Variants in ETV1 observed in about 807,000 individuals in gnomAD.
ETV1 encodes the protein ETS variant transcription factor 1.
Under a neutral mutation model 62.3 loss-of-function variants are expected in ETV1, and 27 were observed. The ratio of observed to expected loss-of-function variants is 0.43; its 90% CI spans 0.32 to 0.60. The LOEUF (loss-of-function observed/expected upper bound fraction) is 0.60. Among genes scored for constraint, ETV1 ranks in the 20% least tolerant of loss-of-function variants. The pLI is 0.06. For synonymous variants in ETV1, 222 were observed against 199.6 expected (o/e 1.11, Z -0.94); for missense variants, 605 against 605.8 (o/e 1.00, Z 0.01).
chr7:13,909,836 CATT>C lies in ETV1; in HGVS notation c.872-139_872-137del. 7.1e-6 allele frequency: 5 copies of C among 699,436 alleles called. No individual in the cohort carries two copies. The South Asian group carries it at 9.0e-5, about 13-fold the overall frequency. The allele number at this position is 699,436 out of a possible 1,614,324, so 43.3% of individuals were successfully genotyped here. A position where few individuals can be genotyped will look rare whatever the true frequency, so the allele number is the denominator to read the frequency against. On this transcript the variant is annotated intron_variant, in intron 10 of 13. Coordinates refer to ENST00000430479, the MANE Select transcript of ETV1 (RefSeq NM_004956.5). ...CTTTCAGTTCCTTGAGCCCTGGACA[CATT>C]ATTTAACCTCTGTGCCTCAGTTTCC... is the stretch of plus-strand genomic sequence containing the variant.
chr7:13,968,709 C>T (rs1235233575), intron 6 of ETV1, among the ~76,000 whole-genome samples: 1 of 151,894 alleles, frequency 6.6e-6, no homozygotes, highest in Non-Finnish European at 1.5e-5. Context: ...CATGCATTCA[C>T]CAGATTTAGC....
At chr7:13,910,479 A>G (rs2128419451) in intron 10 of ETV1, 2 of 502,628 alleles carry the variant, frequency 4.0e-6, no homozygotes, top group South Asian at 1.8e-4. Context: ...CAAAACTTTT[A>G]ATTTCAAATA....
intron 6 of ETV1, among the ~76,000 whole-genome samples, chr7:13,974,333 AG>A (rs1339119228): frequency 6.6e-6 from 1 of 152,244 alleles, no homozygotes; most frequent in African/African-American, 2.4e-5. Flanking sequence ...GGAAAGGAAA[AG>A]TCAGGGCACT....
chr7:13,935,649 A>G, intron 8 of ETV1, 59 bp downstream of exon 8: 1 of 1,454,512 alleles, frequency 6.9e-7, no homozygotes, highest in South Asian at 1.2e-5. Context: ...AATTGTTAAT[A>G]GAAATTTTTT....
chr7:13,947,513 A>G (rs1788316314), intron 6 of ETV1, among the ~76,000 whole-genome samples: 1 of 152,216 alleles, frequency 6.6e-6, no homozygotes, highest in Admixed American at 6.5e-5. Context: ...TTCCCATTTA[A>G]CAGATCTTTT....
At chr7:13,974,013 T>C (rs1361290762) in intron 6 of ETV1, among the ~76,000 whole-genome samples, 1 of 152,180 alleles carries the variant, frequency 6.6e-6, no homozygotes, top group African/African-American at 2.4e-5. Context: ...ATGTGACGTG[T>C]TTCTTGTACC....
intron 12 of ETV1, among the ~76,000 whole-genome samples, chr7:13,901,140 G>A (rs1782377953): frequency 6.6e-6 from 1 of 152,036 alleles, no homozygotes; most frequent in Non-Finnish European, 1.5e-5. Flanking sequence ...GAGTAGGTGG[G>A]ATTACAGGTG....
chr7:13,930,049 C>T (rs1785908823), intron 9 of ETV1, among the ~76,000 whole-genome samples: 1 of 152,090 alleles, frequency 6.6e-6, no homozygotes, highest in Non-Finnish European at 1.5e-5. Flanking sequence ...ACTTTATATC[C>T]AGACAAAAGG....
intron 9 of ETV1, among the ~76,000 whole-genome samples, chr7:13,931,002 G>A (rs576202598): frequency 8.6e-5 from 13 of 151,298 alleles, no homozygotes; most frequent in Admixed American, 2.0e-4. Context: ...GGGTTTCACC[G>A]TGTTAGCCAG....
chr7:13,904,179 AAC>A (rs548893711), intron 12 of ETV1, among the ~76,000 whole-genome samples: 50 of 152,364 alleles, frequency 3.3e-4, no homozygotes, highest in African/African-American at 1.1e-3. Flanking sequence ...AAGTAATTGC[AAC>A]AGTCAGCAAT....
intron 8 of ETV1, among the ~76,000 whole-genome samples, chr7:13,932,891 G>A (rs891482524): frequency 3.9e-5 from 6 of 152,148 alleles, no homozygotes; most frequent in African/African-American, 1.4e-4. Context: ...ATGGCAAAGC[G>A]ATTGCTTTAG....
chr7:13,988,595 G>GAAAAAAAAAAAAAAAAAGAAAAAAAAAA (rs34468165), intron 3 of ETV1: 1 of 768,998 alleles, frequency 1.3e-6, no homozygotes, highest in Non-Finnish European at 1.6e-6. Context: ...GTAGAGAAAT[G>GAAAAAAAAAAAAAAAAAGAAAAAAAAAA]AAAAAAAAAA....
intron 6 of ETV1, among the ~76,000 whole-genome samples, chr7:13,945,191 T>C (rs1187234518): frequency 6.6e-6 from 1 of 152,218 alleles, no homozygotes; most frequent in African/African-American, 2.4e-5. Flanking sequence ...CTGAATCTTA[T>C]AAAACTTTTT....
intron 3 of ETV1, chr7:13,988,610 G>GAAAAAAAAAAAAAAAA: frequency 9.9e-7 from 1 of 1,008,126 alleles, no homozygotes; most frequent in South Asian, 3.1e-5. Context: ...AAAAAAAAAA[G>GAAAAAAAAAAAAAAAA]AGAAAATGAG....
chr7:13,980,786 C>T (rs1431864646), intron 5 of ETV1, among the ~76,000 whole-genome samples: 1 of 152,016 alleles, frequency 6.6e-6, no homozygotes, highest in Non-Finnish European at 1.5e-5. Context: ...AGTTGTTTTA[C>T]TGTTTTCTGT....
intron 5 of ETV1, among the ~76,000 whole-genome samples, chr7:13,978,352 C>A (rs1184129970): frequency 3.3e-5 from 5 of 151,868 alleles, no homozygotes; most frequent in Non-Finnish European, 5.9e-5. Context: ...CTATTCCAAA[C>A]TGAATATTAG....
intron 9 of ETV1, among the ~76,000 whole-genome samples, chr7:13,924,041 A>G (rs1191956569): frequency 6.6e-6 from 1 of 152,100 alleles, no homozygotes; most frequent in Non-Finnish European, 1.5e-5. Flanking sequence ...GTCTCAAAAA[A>G]AAAATTAAAA....
At chr7:13,988,539 G>A in intron 3 of ETV1, 1 of 791,374 alleles carries the variant, frequency 1.3e-6, no homozygotes, top group Non-Finnish European at 1.9e-6. Context: ...CTCTTGGACA[G>A]CCCCTCCTCC....
intron 6 of ETV1, among the ~76,000 whole-genome samples, chr7:13,949,987 C>A (rs1312658240): frequency 1.3e-5 from 2 of 152,070 alleles, no homozygotes; most frequent in African/African-American, 2.4e-5. Context: ...GATCAGATAC[C>A]CAGTCTGCCC....
Sources: allele counts gnomAD v4.1 joint callset (sites outside exome capture counted in the v4.1 genomes callset), GRCh38; gene constraint gnomAD v4.1.1; transcripts MANE v1.5; gene names NCBI Gene and HGNC (gene_info 2026-07-23, HGNC 2026-07-21).